HYDIN: variants seen among roughly 807,000 people sequenced by gnomAD.
HYDIN encodes the protein axonemal central pair apparatus protein HYDIN.
A neutral mutation model predicts 403.9 loss-of-function variants in HYDIN; 132 were observed. The observed-to-expected ratio is 0.33, with a 90% CI of 0.28 to 0.38. HYDIN has a LOEUF of 0.38. Among genes scored for constraint, HYDIN ranks in the 10% least tolerant of loss-of-function variants. HYDIN has a pLI of 1.00. For synonymous variants in HYDIN, 1,202 were observed against 1,891.7 expected (o/e 0.64, Z 9.46); for missense variants, 2,827 against 5,009.5 (o/e 0.56, Z 13.15).
chr16:71,227,748 T>C (rs1474418319), intron 1 of HYDIN, among the ~76,000 whole-genome samples: 2 of 152,224 alleles, frequency 1.3e-5, no homozygotes, highest in East Asian at 3.8e-4. Flanking sequence ...AGGTAATTTA[T>C]AGATTCAGTG....
intron 44 of HYDIN, among the ~76,000 whole-genome samples, chr16:70,936,694 C>A (rs1294004966): frequency 1.3e-5 from 2 of 151,130 alleles, no homozygotes; most frequent in African/African-American, 4.8e-5. Flanking sequence ...CCAACATGCC[C>A]GGCTAACTTG....
intron 73 of HYDIN, among the ~76,000 whole-genome samples, chr16:70,853,972 T>C (rs1910754): frequency 0.2 from 28,896 of 142,854 alleles, 5,090 homozygotes; most frequent in African/African-American, 0.51. Flanking sequence ...CTCTGCCTCC[T>C]GGGTTCAAGC....
chr16:70,995,537 TA>T (rs1005286338), intron 23 of HYDIN, among the ~76,000 whole-genome samples: 17 of 150,424 alleles, frequency 1.1e-4, no homozygotes, highest in Middle Eastern at 3.5e-3. Flanking sequence ...GCTACAAAGT[TA>T]AAAAAAAAAT....
intron 57 of HYDIN, 71 bp from the exon 58 acceptor site, chr16:70,889,775 T>C (rs2041364108): frequency 1.5e-6 from 1 of 680,352 alleles, no homozygotes; most frequent in Admixed American, 2.8e-5. Context: ...ACCTGTCTGT[T>C]TTCTTGCAAG....
intron 22 of HYDIN, among the ~76,000 whole-genome samples, chr16:71,018,767 A>C (rs1161895211): frequency 6.6e-6 from 1 of 152,304 alleles, no homozygotes; most frequent in African/African-American, 2.4e-5. Context: ...TGGGGTTATA[A>C]GAATTGAGGA....
intron 45 of HYDIN, among the ~76,000 whole-genome samples, chr16:70,923,469 CAAAAAAAAAAA>C (rs59968942): frequency 3.5e-5 from 1 of 28,274 alleles, no homozygotes; most frequent in East Asian, 6.6e-4. Flanking sequence ...ACTCCATCTC[CAAAAAAAAAAA>C]AAAAAAAAAG....
chr16:71,114,506 C>T (rs1568175010), intron 10 of HYDIN, among the ~76,000 whole-genome samples: 1 of 152,030 alleles, frequency 6.6e-6, no homozygotes, highest in Non-Finnish European at 1.5e-5. Flanking sequence ...CAGTTCCTTT[C>T]ACTAAAGAGT....
chr16:70,951,096 A>G (rs984176506), intron 41 of HYDIN, among the ~76,000 whole-genome samples: 7 of 152,186 alleles, frequency 4.6e-5, no homozygotes, highest in Admixed American at 2.0e-4. Context: ...TTAGCCAGGC[A>G]TGGTGGGACA....
At chr16:71,221,649 A>G (rs1406540154) in intron 1 of HYDIN, among the ~76,000 whole-genome samples, 2 of 152,210 alleles carry the variant, frequency 1.3e-5, no homozygotes, top group Non-Finnish European at 2.9e-5. Flanking sequence ...TAAAAATTAA[A>G]ACTCAATGAA....
intron 23 of HYDIN, among the ~76,000 whole-genome samples, chr16:70,996,405 T>G (rs2079534606): frequency 6.6e-6 from 1 of 152,090 alleles, no homozygotes; most frequent in Non-Finnish European, 1.5e-5. Context: ...AGGGTACAAG[T>G]GTTCCAGCAG....
chr16:70,916,841 T>A (rs1403850187), intron 47 of HYDIN, among the ~76,000 whole-genome samples: 6 of 152,056 alleles, frequency 3.9e-5, no homozygotes, highest in African/African-American at 1.5e-4. Flanking sequence ...TCTCTTTCTC[T>A]CTTTTTCCTT....
chr16:71,225,732 A>T (rs1232634451), intron 1 of HYDIN, among the ~76,000 whole-genome samples: 1 of 152,222 alleles, frequency 6.6e-6, no homozygotes, highest in Non-Finnish European at 1.5e-5. Context: ...CCCCACCAAG[A>T]CATTTGAATG....
At chr16:71,213,660 T>C (rs1042138156) in intron 1 of HYDIN, among the ~76,000 whole-genome samples, 1 of 152,076 alleles carries the variant, frequency 6.6e-6, no homozygotes, top group African/African-American at 2.4e-5. Context: ...AACAATGTAG[T>C]TCAACATTCA....
chr16:70,818,515 C>T lies in HYDIN; in HGVS notation c.14485G>A (p.Val4829Ile). The T allele has an allele frequency of 1.1e-5, 15 of 1,401,562 alleles. No individual in the cohort carries two copies. Among genetic ancestry groups the T allele is most frequent in the Non-Finnish European group, 1.5e-5 (15 of 1,006,790 alleles). The allele number at this position is 1,401,562 out of a possible 1,614,324, so 86.8% of individuals were successfully genotyped here. ...GTTTTGATGATGCCTGAAGGGATGA[C>T]CCTGAAACTCACATTGTAGTACAAG... ...EFLYYNVSFR[V>I]IPSGIIKTIE... The change falls in exon 84 of 86, where the codon GTC becomes ATC. Residue 4829 changes from valine (V) to isoleucine (I), a missense_variant. By Grantham distance (29) the Val-to-Ile change is conservative. Coordinates refer to ENST00000393567, the MANE Select transcript of HYDIN (RefSeq NM_001270974.2).
chr16:70,839,899 T>A (rs2037696447), intron 76 of HYDIN, among the ~76,000 whole-genome samples, 165 bp downstream of exon 76: 1 of 148,528 alleles, frequency 6.7e-6, no homozygotes, highest in Non-Finnish European at 1.5e-5. Context: ...CAAGTATTAG[T>A]GTTAGTTATG....
intron 72 of HYDIN, among the ~76,000 whole-genome samples, chr16:70,855,696 T>C (rs1177144753): frequency 2.0e-5 from 3 of 152,292 alleles, no homozygotes; most frequent in Admixed American, 2.0e-4. Context: ...TGGCATGAGT[T>C]TCCTGCCCAG....
chr16:71,027,974 G>A (rs1477666060), intron 19 of HYDIN, 99 bp from the exon 20 acceptor site: 5 of 477,020 alleles, frequency 1.0e-5, no homozygotes, highest in Non-Finnish European at 1.8e-5. Flanking sequence ...ATTTAAAATG[G>A]TGAGCAACAA....
intron 18 of HYDIN, among the ~76,000 whole-genome samples, chr16:71,059,863 A>G (rs1300166315): frequency 1.3e-5 from 2 of 152,140 alleles, no homozygotes; most frequent in African/African-American, 2.4e-5. Context: ...TCAAGGGTCA[A>G]CTGTACATAG....
At chr16:71,109,301 A>G (rs897262121) in intron 10 of HYDIN, among the ~76,000 whole-genome samples, 12 of 137,456 alleles carry the variant, frequency 8.7e-5, no homozygotes, top group Non-Finnish European at 1.8e-4. Flanking sequence ...TCTTTTATTT[A>G]GTATTGTATA....
Sources: gnomAD v4.1 joint callset for allele counts (sites outside exome capture counted in the v4.1 genomes callset) on GRCh38, gnomAD v4.1.1 for gene constraint, MANE v1.5 for transcripts, NCBI Gene and HGNC (gene_info 2026-07-23, HGNC 2026-07-21) for gene names.